The following SLC24A2 variants were observed in gnomAD, a reference collection of about 807,000 sequenced individuals.
SLC24A2 encodes solute carrier family 24 member 2, also known as sodium/potassium/calcium exchanger 2.
SLC24A2 carries 36 observed loss-of-function variants against 62.0 expected under a neutral mutation model. The observed-to-expected ratio is 0.58, with a 90% confidence interval of 0.44 to 0.77. The LOEUF (loss-of-function observed/expected upper bound fraction) is 0.77, where lower values mean the gene tolerates loss of function less well. SLC24A2 is among the 30% of genes least tolerant of loss of function. The pLI is 0.00. For missense variants in SLC24A2, 846 were observed against 817.9 expected, an observed-to-expected ratio of 1.03 and a Z score of -0.42; for synonymous variants, 358 against 294.0, an observed-to-expected ratio of 1.22 and a Z score of -2.23.
chr9:19,855,006 G>T, the SLC24A2 span, among the ~76,000 whole-genome samples: 31 of 152,256 alleles, frequency 2.0e-4, no homozygotes, highest in African/African-American at 7.5e-4. Context: ...AGGATAATAA[G>T]CTCTTCTTGT....
At chr9:20,072,546 T>C in the SLC24A2 span, among the ~76,000 whole-genome samples, 2 of 152,130 alleles carry the variant, frequency 1.3e-5, no homozygotes, top group South Asian at 2.1e-4. Context: ...GATCTGTATA[T>C]AACATATAAT....
At chr9:19,526,094 G>GAAATCATA (rs1833436190) in intron 9 of SLC24A2, among the ~76,000 whole-genome samples, 1 of 152,034 alleles carries the variant, frequency 6.6e-6, no homozygotes, top group South Asian at 2.1e-4. Context: ...TCATATAAAT[G>GAAATCATA]AAATCATATG....
the SLC24A2 span, among the ~76,000 whole-genome samples, chr9:20,148,853 C>G: frequency 6.6e-6 from 1 of 152,072 alleles, no homozygotes; most frequent in African/African-American, 2.4e-5. Flanking sequence ...GCTGGTAAGT[C>G]ACCCAGAAAG....
the SLC24A2 span, among the ~76,000 whole-genome samples, chr9:20,037,309 T>C: frequency 2.0e-5 from 3 of 152,216 alleles, no homozygotes; most frequent in Non-Finnish European, 4.4e-5. Context: ...GAAAAGTCTG[T>C]ACATGTACAG....
the SLC24A2 span, among the ~76,000 whole-genome samples, chr9:19,915,318 T>C: frequency 1.3e-5 from 2 of 152,206 alleles, no homozygotes; most frequent in Non-Finnish European, 2.9e-5. Context: ...CCACATTTTG[T>C]TTATCCATTC....
the SLC24A2 span, among the ~76,000 whole-genome samples, chr9:20,194,980 G>T: frequency 1.3e-5 from 2 of 151,914 alleles, no homozygotes; most frequent in African/African-American, 4.8e-5. Flanking sequence ...TATTACCTAG[G>T]TATACATCCG....
At chr9:19,753,287 T>G (rs1391170542) in intron 2 of SLC24A2, among the ~76,000 whole-genome samples, 3 of 152,222 alleles carry the variant, frequency 2.0e-5, no homozygotes, top group Non-Finnish European at 4.4e-5. Flanking sequence ...ATTTCTCAGA[T>G]TCCTCAGTCC....
At chr9:20,281,073 G>T in the SLC24A2 span, among the ~76,000 whole-genome samples, 3 of 152,122 alleles carry the variant, frequency 2.0e-5, no homozygotes, top group African/African-American at 7.2e-5. Flanking sequence ...GGGACTACAG[G>T]CATGAGACAC....
chr9:19,900,644 T>C, the SLC24A2 span, among the ~76,000 whole-genome samples: 619 of 152,322 alleles, frequency 4.1e-3, 8 homozygotes, highest in African/African-American at 0.014. Context: ...AAACAAAGTA[T>C]GCAAATAACT....
At chr9:20,155,849 T>G in the SLC24A2 span, among the ~76,000 whole-genome samples, 1 of 151,814 alleles carries the variant, frequency 6.6e-6, no homozygotes, top group African/African-American at 2.4e-5. Context: ...CCTGAATGAC[T>G]TCAAAGTAAT....
chr9:19,968,475 GT>G, the SLC24A2 span, among the ~76,000 whole-genome samples: 2 of 152,188 alleles, frequency 1.3e-5, no homozygotes, highest in Non-Finnish European at 2.9e-5. Context: ...ATTTGGAGAA[GT>G]TAATTTGCTT....
chr9:19,864,183 A>G, the SLC24A2 span, among the ~76,000 whole-genome samples: 1 of 151,994 alleles, frequency 6.6e-6, no homozygotes, highest in South Asian at 2.1e-4. Context: ...GATTGAAGCC[A>G]TGATAAAAAG....
rs541502713 is a variant in SLC24A2, at chr9:19,693,479, C to T, written c.931-71180G>A. The stretch of plus-strand genomic sequence containing the variant: ...TGATTTCCTTTTCAGTTGTTGATGG[C>T]CCTGTCTAAAACCAAGGACAAGAAA... On this transcript the variant is annotated intron_variant, in intron 2 of 10. Transcript: ENST00000341998. Among the ~76,000 whole-genome samples, 4 of 152,136 alleles carry T rather than the reference C, an allele frequency of 2.6e-5. No individual in the cohort carries two copies. In the East Asian group the frequency reaches 7.7e-4, roughly 29 times the overall value.
intron 2 of SLC24A2, among the ~76,000 whole-genome samples, chr9:19,665,389 G>A (rs141238711): frequency 4.6e-5 from 7 of 152,218 alleles, no homozygotes; most frequent in Non-Finnish European, 8.8e-5. Context: ...GCTGGCAGCT[G>A]GGATGCTCAG....
the SLC24A2 span, among the ~76,000 whole-genome samples, chr9:20,040,533 C>A: frequency 6.6e-6 from 1 of 152,166 alleles, no homozygotes; most frequent in Admixed American, 6.5e-5. Context: ...TTCTTTTCAA[C>A]CCCCACCAAA....
the SLC24A2 span, among the ~76,000 whole-genome samples, chr9:19,823,345 T>C: frequency 2.0e-5 from 3 of 151,968 alleles, no homozygotes; most frequent in Non-Finnish European, 2.9e-5. Context: ...AAACACATAA[T>C]TTTGAACCCT....
rs1279282502 is a variant in SLC24A2, at chr9:19,786,597, T to C, written c.270A>G (p.Leu90=). The part of the protein sequence containing the change: ...QGYHQRTLLD[L]NDKILDYTPQ... The stretch of plus-strand genomic sequence containing the variant: ...GAGTATAATCCAGAATCTTGTCATT[T>C]AAATCTAAGAGAGTTCTCTGATGGT... Residue 90 remains leucine, a synonymous_variant, in exon 2 of 11, where the codon TTA becomes TTG. Transcript: ENST00000341998. The surrounding 1 kb of genome is among the most constrained non-coding windows in gnomAD (Gnocchi z 5.0). The C allele has an allele frequency of 1.9e-6, 3 of 1,614,056 alleles. No individual in the cohort carries two copies. In the East Asian group the frequency reaches 6.7e-5, roughly 36 times the overall value.
In SLC24A2 at chr9:19,788,418, C is replaced by T. The variant is rs946188834; in HGVS notation, c.-154+467G>A. Reference sequence around the variant, plus strand: ...AACCCACCGCTCGTCTCCCCGGGAGCTGCCTCCGTAGGAGAATGTTCGCCC... The same window carrying T: ...AACCCACCGCTCGTCTCCCCGGGAGTTGCCTCCGTAGGAGAATGTTCGCCC... On this transcript the variant is annotated intron_variant, in intron 1 of 10. Coordinates refer to ENST00000341998, the MANE Select transcript of SLC24A2 (RefSeq NM_020344.4). The T allele has an allele frequency of 6.5e-6, 5 of 768,362 alleles. No homozygotes were observed. In the African/African-American group the frequency reaches 7.5e-5, roughly 12 times the overall value. The allele number at this position is 768,362 out of a possible 1,614,324, so 47.6% of individuals were successfully genotyped here.
the SLC24A2 span, among the ~76,000 whole-genome samples, chr9:20,173,987 G>A: frequency 6.6e-6 from 1 of 151,992 alleles, no homozygotes; most frequent in Non-Finnish European, 1.5e-5. Context: ...GCATGTTACT[G>A]GTATAAAAGT....
Sources: allele counts gnomAD v4.1 joint callset (sites outside exome capture counted in the v4.1 genomes callset), GRCh38; gene constraint gnomAD v4.1.1; non-coding constraint Gnocchi (gnomAD v3.1); transcripts MANE v1.5; gene names NCBI Gene and HGNC (gene_info 2026-07-23, HGNC 2026-07-21).